FBXO16: variants seen among roughly 807,000 people sequenced by gnomAD.
FBXO16 encodes F-box protein 16, also known as F-box only protein 16.
Under a neutral mutation model 41.0 loss-of-function variants are expected in FBXO16, and 31 were observed. The ratio of observed to expected loss-of-function variants is 0.76; its 90% confidence interval spans 0.57 to 1.02. The LOEUF is 1.02. FBXO16 is among the 50% of genes least tolerant of loss of function. The pLI, the probability that FBXO16 is intolerant of heterozygous loss-of-function variation, is 0.00. For missense variants in FBXO16, 361 were observed against 346.2 expected, an observed-to-expected ratio of 1.04 and a Z score of -0.34; for synonymous variants, 133 against 117.8, an observed-to-expected ratio of 1.13 and a Z score of -0.84.
At chr8:28,444,615 C>T (rs1038784987) in intron 7 of FBXO16, among the ~76,000 whole-genome samples, 9 of 149,940 alleles carry the variant, frequency 6.0e-5, no homozygotes, top group Admixed American at 2.0e-4. Flanking sequence ...GTAGCTTGGA[C>T]TACAAGCACC....
chr8:28,468,726 T>C (rs1460999351), intron 3 of FBXO16, among the ~76,000 whole-genome samples: 2 of 151,970 alleles, frequency 1.3e-5, no homozygotes, highest in Non-Finnish European at 2.9e-5. Flanking sequence ...CGTATGCCTG[T>C]AGTCCCAGCT....
intron 2 of FBXO16, among the ~76,000 whole-genome samples, chr8:28,478,178 G>A (rs552572331): frequency 7.2e-5 from 11 of 152,020 alleles, no homozygotes; most frequent in Non-Finnish European, 1.6e-4. Flanking sequence ...ATTATTTTTG[G>A]AATAAAATGG....
chr8:28,452,154 G>T, intron 6 of FBXO16, 90 bp downstream of exon 6: 1 of 1,246,508 alleles, frequency 8.0e-7, no homozygotes, highest in Non-Finnish European at 1.1e-6. Flanking sequence ...GTATTTCACA[G>T]TAAGTTCTAT....
rs754315496 is a variant in FBXO16 at position 28,452,486 on chromosome 8, G to A, written c.508-10C>T. The stretch of plus-strand genomic sequence containing the variant: ...CATCCTTTGGGGGTGTCTAGAAGAA[G>A]AAAGTTAATTATGTTCTCAAAACAC... On this transcript the variant is annotated splice_polypyrimidine_tract_variant and intron_variant, in intron 5 of 8. Transcript: ENST00000380254. 2 of 1,612,420 alleles carry A rather than the reference G, an allele frequency of 1.2e-6. No individual in the cohort carries two copies. Among genetic ancestry groups the A allele is most frequent in the Non-Finnish European group, 1.7e-6 (2 of 1,179,422 alleles).
At chr8:28,455,665 A>T (rs1329730856) in intron 5 of FBXO16, 3 of 152,242 alleles carry the variant, frequency 2.0e-5, no homozygotes, top group Non-Finnish European at 4.4e-5. Context: ...AATGAGATGC[A>T]AGAGAAGTCT....
At chr8:28,485,298 G>A (rs1400982471) in intron 1 of FBXO16, among the ~76,000 whole-genome samples, 7 of 151,962 alleles carry the variant, frequency 4.6e-5, no homozygotes, top group African/African-American at 1.7e-4. Flanking sequence ...TTAGCCTCCC[G>A]AGTAGCTAGG....
intron 6 of FBXO16, chr8:28,449,099 A>G (rs1802910889): frequency 1.3e-5 from 2 of 152,186 alleles, no homozygotes; most frequent in Non-Finnish European, 1.5e-5. Flanking sequence ...GACTGTCAGT[A>G]TAACCAGGTA....
chr8:28,449,315 C>CTT (rs59021779), intron 6 of FBXO16, among the ~76,000 whole-genome samples: 1,124 of 94,754 alleles, frequency 0.012, 35 homozygotes, highest in African/African-American at 0.04. Flanking sequence ...ATGTAGACTT[C>CTT]TTTTTTTTTT....
intron 7 of FBXO16, among the ~76,000 whole-genome samples, chr8:28,433,626 G>A (rs1802643669): frequency 6.6e-6 from 1 of 152,168 alleles, no homozygotes; most frequent in Non-Finnish European, 1.5e-5. Flanking sequence ...TGTATCTTAT[G>A]ATTATCTCCC....
At chr8:28,444,302 CTTTT>C (rs575375088) in intron 7 of FBXO16, among the ~76,000 whole-genome samples, 4 of 128,636 alleles carry the variant, frequency 3.1e-5, no homozygotes, top group Admixed American at 8.0e-5. Context: ...AATATTTCTT[CTTTT>C]TTTTTTTTTT....
intron 4 of FBXO16, among the ~76,000 whole-genome samples, 197 bp downstream of exon 4, chr8:28,463,415 T>C (rs1803176248): frequency 6.6e-6 from 1 of 151,832 alleles, no homozygotes; most frequent in South Asian, 2.1e-4. Context: ...TGTGTGTGTG[T>C]ATATGTATGT....
chr8:28,431,447 A>T (rs1802604960), intron 7 of FBXO16, among the ~76,000 whole-genome samples: 1 of 152,198 alleles, frequency 6.6e-6, no homozygotes, highest in Non-Finnish European at 1.5e-5. Context: ...AATGGGTAAA[A>T]ATCTTTCTGG....
intron 3 of FBXO16, 77 bp from the exon 4 acceptor site, chr8:28,463,895 G>A (rs1803189129): frequency 1.5e-6 from 2 of 1,329,708 alleles, no homozygotes; most frequent in Non-Finnish European, 2.1e-6. Flanking sequence ...AGTAAGACAT[G>A]ACAATGGCAT....
chr8:28,433,097 CAA>C, intron 7 of FBXO16, among the ~76,000 whole-genome samples: 1 of 144,162 alleles, frequency 6.9e-6, no homozygotes, highest in South Asian at 2.1e-4. Flanking sequence ...AACAAACAAA[CAA>C]AACATAACAA....
At chr8:28,472,252 T>A (rs770702134) in intron 3 of FBXO16, among the ~76,000 whole-genome samples, 2 of 152,096 alleles carry the variant, frequency 1.3e-5, no homozygotes, top group Non-Finnish European at 2.9e-5. Context: ...CCACCATGCC[T>A]GGCTAATTTT....
At chr8:28,477,598 A>G (rs144375292) in intron 2 of FBXO16, among the ~76,000 whole-genome samples, 143 of 152,332 alleles carry the variant, frequency 9.4e-4, no homozygotes, top group African/African-American at 3.0e-3. Flanking sequence ...TATACGATAC[A>G]TATTTATGTT....
chr8:28,461,113 G>A lies in FBXO16; in HGVS notation c.342+2499C>T, dbSNP rs940671916. Among the ~76,000 whole-genome samples the A allele has an allele frequency of 8.2e-5, 12 of 146,728 alleles. 1 individual carries two copies. Among genetic ancestry groups the A allele is most frequent in the Admixed American group, 3.5e-4 (5 of 14,418 alleles). On this transcript the variant is annotated intron_variant, in intron 4 of 8. Coordinates refer to ENST00000380254, the MANE Select transcript of FBXO16 (RefSeq NM_172366.4). ...TTTTTTTTTTTTTTACCAATGACGC[G>A]TCGTGGAGATAGTTGCAACTTATTT...
At chr8:28,487,856 T>TC in intron 1 of FBXO16, among the ~76,000 whole-genome samples, 1 of 151,986 alleles carries the variant, frequency 6.6e-6, no homozygotes, top group East Asian at 1.9e-4. Flanking sequence ...TTTTTCTTTT[T>TC]TTTTTTTTAG....
intron 7 of FBXO16, among the ~76,000 whole-genome samples, chr8:28,443,377 T>G (rs1340767009): frequency 6.6e-6 from 1 of 152,122 alleles, no homozygotes; most frequent in Admixed American, 6.6e-5. Context: ...CCTCTCCATT[T>G]AACAAAGCCT....
Sources: allele counts gnomAD v4.1 joint callset (sites outside exome capture counted in the v4.1 genomes callset), GRCh38; gene constraint gnomAD v4.1.1; transcripts MANE v1.5; gene names NCBI Gene and HGNC (gene_info 2026-07-23, HGNC 2026-07-21).